Variants in FBXO11 observed in about 807,000 individuals in gnomAD.
The protein encoded by FBXO11 is F-box protein 11, also known as F-box only protein 11.
FBXO11 carries 13 observed loss-of-function variants against 117.0 expected under a neutral mutation model. That is an observed-to-expected ratio of 0.11 (90% confidence interval 0.07 to 0.18). The LOEUF is 0.18. Among genes scored for constraint, FBXO11 ranks in the 10% least tolerant of loss-of-function variants. The pLI, the probability that FBXO11 is intolerant of heterozygous loss-of-function variation, is 1.00. For missense variants in FBXO11, 767 were observed against 1,164.4 expected, an observed-to-expected ratio of 0.66 and a Z score of 4.97; for synonymous variants, 490 against 380.5, an observed-to-expected ratio of 1.29 and a Z score of -3.35.
At chr2:47,856,230 C>A (rs1300786394) in intron 1 of FBXO11, among the ~76,000 whole-genome samples, 1 of 152,108 alleles carries the variant, frequency 6.6e-6, no homozygotes, top group Non-Finnish European at 1.5e-5. Context: ...AACCACCAAA[C>A]AAGCATAAAG....
rs942065512 is a variant in FBXO11 at position 47,881,777 on chromosome 2, G to A, written c.232+23712C>T. 4.0e-5 allele frequency among the ~76,000 whole-genome samples: 6 copies of A among 151,242 alleles called. No homozygotes were observed. The East Asian group carries it at 9.7e-4, about 24-fold the overall frequency. ...GTCTTTTTTTTTGAGACAGAGTCTC[G>A]CTCTATCACCCAGGCTGGAGTGCAG... On this transcript the variant is annotated intron_variant, in intron 1 of 22. Transcript: ENST00000403359.
chr2:47,827,687 C>G (rs1381423204), intron 11 of FBXO11, among the ~76,000 whole-genome samples: 1 of 151,648 alleles, frequency 6.6e-6, no homozygotes, highest in African/African-American at 2.4e-5. Flanking sequence ...TAATACAGAA[C>G]TGTAAGAAAT....
At chr2:47,864,876 C>G (rs1015248512) in intron 1 of FBXO11, among the ~76,000 whole-genome samples, 2 of 152,044 alleles carry the variant, frequency 1.3e-5, no homozygotes, top group African/African-American at 2.4e-5. Flanking sequence ...TTATGTGAGA[C>G]AAGAACACTC....
chr2:47,815,818 C>T (rs1388624319), intron 16 of FBXO11, among the ~76,000 whole-genome samples: 4 of 152,170 alleles, frequency 2.6e-5, no homozygotes, highest in East Asian at 1.9e-4. Flanking sequence ...TGAGCATCAA[C>T]GGGCCAGAAG....
At chr2:47,863,840 T>C (rs1179734463) in intron 1 of FBXO11, among the ~76,000 whole-genome samples, 35 of 151,068 alleles carry the variant, frequency 2.3e-4, no homozygotes, top group East Asian at 5.9e-4. Context: ...AATTGGGAGG[T>C]TGAGGCAGGA....
intron 1 of FBXO11, chr2:47,865,706 A>T (rs1675143908): frequency 6.6e-6 from 1 of 152,236 alleles, no homozygotes; most frequent in South Asian, 2.1e-4. Flanking sequence ...TAAAAATCTT[A>T]AATAAATTTA....
At chr2:47,858,964 G>C (rs560747268) in intron 1 of FBXO11, among the ~76,000 whole-genome samples, 1 of 150,588 alleles carries the variant, frequency 6.6e-6, no homozygotes, top group East Asian at 1.9e-4. Context: ...GCTTGAATCC[G>C]GGAGGCGGAG....
chr2:47,882,813 G>A (rs374044752), intron 1 of FBXO11, among the ~76,000 whole-genome samples: 6 of 152,114 alleles, frequency 3.9e-5, no homozygotes, highest in South Asian at 4.2e-4. Flanking sequence ...CACCACACCC[G>A]GCTAATTTTG....
intron 21 of FBXO11, 105 bp downstream of exon 21, chr2:47,809,053 G>GT: frequency 1.5e-6 from 1 of 656,860 alleles, no homozygotes; most frequent in Non-Finnish European, 2.6e-6. Context: ...TTTTCAGTTA[G>GT]TTATAGTCTC....
At chr2:47,901,132 T>C (rs1474160407) in intron 1 of FBXO11, among the ~76,000 whole-genome samples, 3 of 104,436 alleles carry the variant, frequency 2.9e-5, no homozygotes, top group Non-Finnish European at 6.4e-5. Context: ...TGTGTACATG[T>C]ATATATATAC....
intron 1 of FBXO11, among the ~76,000 whole-genome samples, chr2:47,887,984 T>C (rs1676990393): frequency 6.6e-6 from 1 of 152,052 alleles, no homozygotes; most frequent in African/African-American, 2.4e-5. Context: ...TGCCACTGTG[T>C]TCCTGCTGGG....
intron 1 of FBXO11, among the ~76,000 whole-genome samples, chr2:47,880,401 T>C (rs1055578653): frequency 6.6e-6 from 1 of 152,258 alleles, no homozygotes; most frequent in Admixed American, 6.5e-5. Context: ...ATTTTATTCA[T>C]TGATCTGTTT....
intron 19 of FBXO11, 73 bp from the exon 20 acceptor site, chr2:47,809,780 A>C: frequency 1.1e-6 from 1 of 915,922 alleles, no homozygotes; most frequent in Non-Finnish European, 1.7e-6. Flanking sequence ...TTAGCAAGCA[A>C]ATGTAAACTG....
chr2:47,900,713 T>C (rs867282976), intron 1 of FBXO11, among the ~76,000 whole-genome samples: 12 of 117,170 alleles, frequency 1.0e-4, no homozygotes, highest in South Asian at 2.7e-4. Context: ...CGTGTATATA[T>C]ATACACGTAT....
chr2:47,860,056 C>G (rs1185156891), intron 1 of FBXO11, among the ~76,000 whole-genome samples: 1 of 152,052 alleles, frequency 6.6e-6, no homozygotes, highest in East Asian at 1.9e-4. Context: ...GCTTAGGAGA[C>G]ATGTCTGTTT....
intron 4 of FBXO11, among the ~76,000 whole-genome samples, chr2:47,837,531 C>G (rs1369616227): frequency 6.6e-6 from 1 of 152,072 alleles, no homozygotes; most frequent in Non-Finnish European, 1.5e-5. Context: ...CCGTCAAAAA[C>G]AACAACAAAA....
intron 14 of FBXO11, 147 bp from the exon 15 acceptor site, chr2:47,819,225 G>A (rs902960615): frequency 1.2e-5 from 9 of 740,186 alleles, no homozygotes; most frequent in Non-Finnish European, 1.9e-5. Context: ...CTTTTGTTTT[G>A]TTTTGTTTTG....
At chr2:47,905,392 C>A in intron 1 of FBXO11, 97 bp downstream of exon 1, 1 of 1,074,862 alleles carries the variant, frequency 9.3e-7, no homozygotes, top group Non-Finnish European at 1.1e-6. Flanking sequence ...CCCCAGGGCG[C>A]GCAGGCCGCC....
intron 13 of FBXO11, 98 bp from the exon 14 acceptor site, chr2:47,820,554 T>A: frequency 1.2e-6 from 1 of 838,840 alleles, no homozygotes. Flanking sequence ...TACACTAGAA[T>A]TTTAGTGACC....
Sources: gnomAD v4.1 joint callset for allele counts (sites outside exome capture counted in the v4.1 genomes callset) on GRCh38, gnomAD v4.1.1 for gene constraint, MANE v1.5 for transcripts, NCBI Gene and HGNC (gene_info 2026-07-23, HGNC 2026-07-21) for gene names.